The following ANKRD11 variants were observed in gnomAD, a reference collection of about 807,000 sequenced individuals.
ANKRD11 encodes ankyrin repeat domain 11, also known as ankyrin repeat domain-containing protein 11.
In ANKRD11, 17 loss-of-function variants were observed where a neutral mutation model predicts 195.7. That is an observed-to-expected ratio of 0.09 (90% CI 0.06 to 0.13). ANKRD11 has a LOEUF of 0.13. Among genes scored for constraint, ANKRD11 ranks in the 10% least tolerant of loss-of-function variants. ANKRD11 has a pLI of 1.00. For missense variants in ANKRD11, 3,735 were observed against 3,566.1 expected, an observed-to-expected ratio of 1.05 and a Z score of -1.21; for synonymous variants, 1,953 against 1,528.1, an observed-to-expected ratio of 1.28 and a Z score of -6.49.
intron 1 of ANKRD11, among the ~76,000 whole-genome samples, chr16:89,440,022 T>C (rs2152289456): frequency 6.6e-6 from 1 of 152,300 alleles, no homozygotes; most frequent in Admixed American, 6.5e-5. Flanking sequence ...GACTTGGCTC[T>C]TATGAGGAAG....
chr16:89,344,406 C>A (rs894984745), intron 2 of ANKRD11, among the ~76,000 whole-genome samples: 1 of 152,152 alleles, frequency 6.6e-6, no homozygotes, highest in African/African-American at 2.4e-5. Flanking sequence ...ACCAGCAACT[C>A]CAGACCCCGT....
intron 11 of ANKRD11, chr16:89,271,250 T>C (rs2033126862): frequency 5.4e-6 from 2 of 369,024 alleles, no homozygotes; most frequent in Admixed American, 7.9e-5. Flanking sequence ...TTTTTTTTTT[T>C]TTTTAAGAGA....
intron 4 of ANKRD11, chr16:89,298,323 G>A (rs1479226397): frequency 6.6e-6 from 1 of 152,346 alleles, no homozygotes; most frequent in Non-Finnish European, 1.5e-5. Flanking sequence ...CCTGCGCTGA[G>A]GCCTGAGCTG....
At chr16:89,418,651 T>G (rs2042394048) in intron 1 of ANKRD11, among the ~76,000 whole-genome samples, 1 of 152,148 alleles carries the variant, frequency 6.6e-6, no homozygotes, top group Non-Finnish European at 1.5e-5. Flanking sequence ...GAAATCACCA[T>G]AAAACCAGAT....
chr16:89,313,462 C>T, intron 3 of ANKRD11: 1 of 1,289,230 alleles, frequency 7.8e-7, no homozygotes, highest in Non-Finnish European at 1.0e-6. Flanking sequence ...ACTGTGCTCA[C>T]TGGTGCAGCC....
At chr16:89,288,855 T>A in intron 6 of ANKRD11, 185 bp from the exon 7 acceptor site, 1 of 746,762 alleles carries the variant, frequency 1.3e-6, no homozygotes, top group Non-Finnish European at 2.3e-6. Context: ...CTCTTTACTG[T>A]GGCACCTCGT....
At chr16:89,347,200 C>G (rs1460406956) in intron 2 of ANKRD11, among the ~76,000 whole-genome samples, 4 of 152,194 alleles carry the variant, frequency 2.6e-5, no homozygotes, top group Non-Finnish European at 1.5e-5. Context: ...ACAGCAGCAC[C>G]TGGGTGAGGG....
Position 89,304,288 on chromosome 16 carries a change from A to G in ANKRD11, c.226+918T>C, listed in dbSNP as rs560779124. Among the ~76,000 whole-genome samples the G allele has an allele frequency of 5.3e-5, 8 of 152,120 alleles. No homozygotes were observed. In the East Asian group the frequency reaches 1.5e-3, roughly 29 times the overall value. ...CTTGCACACGGGCACACAGGCATGCACACATGGGCACACAGGCACACACGT... is the reference window on the plus strand; with the variant it reads ...CTTGCACACGGGCACACAGGCATGCGCACATGGGCACACAGGCACACACGT... On this transcript the variant is annotated intron_variant, in intron 4 of 12. Coordinates refer to ENST00000301030, the MANE Select transcript of ANKRD11 (RefSeq NM_013275.6).
Position 89,281,339 on chromosome 16 carries a change from G to A in ANKRD11, c.5203C>T (p.Leu1735Phe). The stretch of plus-strand genomic sequence containing the variant: ...TGCGAGTCGGCGCAGTCGAACACGA[G>A]GTCCGCGTAGTCATCGGCGCTGCAG... ...PSCSADDYAD[L>F]VFDCADSQHS... Residue 1735 changes from leucine (L) to phenylalanine (F), a missense_variant, in exon 9 of 13, where the codon CTC (leucine) becomes TTC (phenylalanine). By Grantham distance (22) the Leu-to-Phe change is conservative (BLOSUM62 0). Transcript: ENST00000301030. The surrounding 1 kb of genome is among the most constrained non-coding windows in gnomAD (Gnocchi z 5.5). 4 of 1,612,618 alleles carry A rather than the reference G, an allele frequency of 2.5e-6. No individual in the cohort carries two copies. The highest frequency in any genetic ancestry group is 2.5e-6 in the Non-Finnish European group (3 of 1,178,806).
intron 2 of ANKRD11, among the ~76,000 whole-genome samples, chr16:89,368,347 C>A (rs889784573): frequency 2.0e-5 from 3 of 146,854 alleles, no homozygotes; most frequent in Non-Finnish European, 4.5e-5. Context: ...CAGGTGCCTG[C>A]TGCCGTGCCT....
chr16:89,416,301 AT>A lies in ANKRD11; in HGVS notation c.-60+1982del, dbSNP rs553448010. On this transcript the variant is annotated intron_variant, in intron 2 of 12. Transcript: ENST00000301030. Reference sequence around the variant, plus strand: ...AGAAGCCTGTATTTTGAATCCATCGATTTTTTTTTTTCCCCAGAGACAGAGT... The same window carrying A: ...AGAAGCCTGTATTTTGAATCCATCGATTTTTTTTTTCCCCAGAGACAGAGT... 1.1e-3 allele frequency among the ~76,000 whole-genome samples: 162 copies of A among 146,726 alleles called. 1 individual carries two copies. Among genetic ancestry groups the A allele is most frequent in the South Asian group, 7.8e-3 (36 of 4,598 alleles).
intron 3 of ANKRD11, among the ~76,000 whole-genome samples, chr16:89,312,293 T>C (rs2036648867): frequency 6.6e-6 from 1 of 152,168 alleles, no homozygotes; most frequent in African/African-American, 2.4e-5. Flanking sequence ...GTGGCAGAGC[T>C]GAGAATGCAC....
chr16:89,307,593 C>T (rs1405647426), intron 3 of ANKRD11, among the ~76,000 whole-genome samples: 6 of 152,096 alleles, frequency 3.9e-5, no homozygotes, highest in African/African-American at 1.4e-4. Flanking sequence ...CCCTCCCGGG[C>T]CTCCGGAGGG....
At chr16:89,377,967 A>G (rs999955248) in intron 2 of ANKRD11, among the ~76,000 whole-genome samples, 14 of 152,154 alleles carry the variant, frequency 9.2e-5, no homozygotes, top group African/African-American at 3.1e-4. Context: ...TGAGAAGTAA[A>G]CATATTTTCT....
chr16:89,298,258 T>G (rs1369796608), intron 4 of ANKRD11: 1 of 152,292 alleles, frequency 6.6e-6, no homozygotes, highest in Admixed American at 6.5e-5. Context: ...CTGGGCCTCC[T>G]TTCCACACAC....
At chr16:89,323,341 A>G in intron 2 of ANKRD11, 2 of 1,288,638 alleles carry the variant, frequency 1.6e-6, no homozygotes, top group Middle Eastern at 2.1e-4. Context: ...CAGGTATGGA[A>G]GAGAAGCACC....
chr16:89,395,829 T>C (rs2041401535), intron 2 of ANKRD11: 1 of 152,208 alleles, frequency 6.6e-6, no homozygotes. Flanking sequence ...GATGAGCCAG[T>C]TCACTGGAGG....
intron 1 of ANKRD11, among the ~76,000 whole-genome samples, chr16:89,453,020 A>G (rs2044153271): frequency 6.6e-6 from 1 of 152,166 alleles, no homozygotes; most frequent in Non-Finnish European, 1.5e-5. Flanking sequence ...TCCTGGGCTC[A>G]AACAATCCTC....
intron 1 of ANKRD11, among the ~76,000 whole-genome samples, chr16:89,447,798 C>CT (rs567859448): frequency 6.8e-6 from 1 of 148,118 alleles, no homozygotes; most frequent in Non-Finnish European, 1.5e-5. Context: ...AATACAATAA[C>CT]TTTTTCTTTT....
Sources: gnomAD v4.1 joint callset for allele counts (sites outside exome capture counted in the v4.1 genomes callset) on GRCh38, gnomAD v4.1.1 for gene constraint, Gnocchi (gnomAD v3.1) non-coding constraint, MANE v1.5 for transcripts, NCBI Gene and HGNC (gene_info 2026-07-23, HGNC 2026-07-21) for gene names.